The following FOXP2 variants were observed in gnomAD, a reference collection of about 807,000 sequenced individuals.
FOXP2 encodes forkhead box protein P2.
FOXP2 carries 12 observed loss-of-function variants against 115.8 expected under a neutral mutation model. That is an observed-to-expected ratio of 0.10 (90% CI 0.07 to 0.17). The LOEUF (loss-of-function observed/expected upper bound fraction) is 0.17, where lower values mean the gene tolerates loss of function less well. FOXP2 is among the 10% of genes least tolerant of loss of function. FOXP2 has a pLI of 1.00. For missense variants in FOXP2, 629 were observed against 843.5 expected (o/e 0.75, Z 3.15); for synonymous variants, 328 against 297.7 (o/e 1.10, Z -1.05).
intron 2 of FOXP2, among the ~76,000 whole-genome samples, chr7:114,434,760 T>C (rs934325087): frequency 7.2e-5 from 11 of 152,114 alleles, no homozygotes; most frequent in Non-Finnish European, 1.5e-4. Context: ...TTTCCATAAA[T>C]ATATATTTTC....
At chr7:114,358,340 A>C (rs1235065918) in intron 2 of FOXP2, among the ~76,000 whole-genome samples, 1 of 152,146 alleles carries the variant, frequency 6.6e-6, no homozygotes. Flanking sequence ...ATATTTCTTC[A>C]TAGCATTATG....
chr7:114,369,601 A>G (rs1562890170), intron 2 of FOXP2, among the ~76,000 whole-genome samples: 1 of 152,098 alleles, frequency 6.6e-6, no homozygotes. Context: ...TCTCTCCTTT[A>G]AAACAGTCAT....
intron 3 of FOXP2, among the ~76,000 whole-genome samples, chr7:114,559,718 TA>T (rs1288340140): frequency 6.6e-6 from 1 of 151,718 alleles, no homozygotes; most frequent in African/African-American, 2.4e-5. Flanking sequence ...CCGTCTCTAC[TA>T]AAAAAAACAC....
At chr7:114,502,109 A>T (rs2129253085) in intron 2 of FOXP2, among the ~76,000 whole-genome samples, 1 of 152,232 alleles carries the variant, frequency 6.6e-6, no homozygotes, top group Non-Finnish European at 1.5e-5. Flanking sequence ...CTAAATGTTT[A>T]TATTAAGACA....
chr7:114,636,665 T>C lies in FOXP2; in HGVS notation c.775+4960T>C, dbSNP rs1226200143. Among the ~76,000 whole-genome samples, 9 of 151,616 alleles carry C rather than the reference T, an allele frequency of 5.9e-5. No individual in the cohort carries two copies. In the South Asian group the frequency reaches 1.7e-3, roughly 28 times the overall value. On this transcript the variant is annotated intron_variant, in intron 6 of 16. Transcript: ENST00000350908. ...GAGTGTAAAAAAGCTGCCAAGGAGA[T>C]TTTTTACTAATAAAAATTGCTTTTT...
At chr7:114,216,232 C>T (rs528075841) in intron 1 of FOXP2, among the ~76,000 whole-genome samples, 4 of 152,208 alleles carry the variant, frequency 2.6e-5, no homozygotes, top group South Asian at 2.1e-4. Context: ...TGAACATGTG[C>T]GGCGAAAGGA....
chr7:114,625,617 C>T (rs374518001), intron 3 of FOXP2, among the ~76,000 whole-genome samples: 1 of 151,566 alleles, frequency 6.6e-6, no homozygotes, highest in East Asian at 1.9e-4. Context: ...TGAAATGGGA[C>T]AGTAACAAGA....
chr7:114,501,577 TAA>T (rs1006110608), intron 2 of FOXP2, among the ~76,000 whole-genome samples: 1 of 152,106 alleles, frequency 6.6e-6, no homozygotes, highest in Non-Finnish European at 1.5e-5. Context: ...AACTTTGAGA[TAA>T]AGTGTATCAT....
chr7:114,521,112 C>T (rs1018665808), intron 2 of FOXP2, among the ~76,000 whole-genome samples: 1 of 151,996 alleles, frequency 6.6e-6, no homozygotes, highest in African/African-American at 2.4e-5. Context: ...TGCAAAAGAA[C>T]TGTATGGTGT....
intron 3 of FOXP2, among the ~76,000 whole-genome samples, chr7:114,574,654 G>C (rs12667021): frequency 0.2 from 29,600 of 151,720 alleles, 3,742 homozygotes; most frequent in African/African-American, 0.36. Flanking sequence ...ACACCTATCT[G>C]CAAGTAATCT....
intron 1 of FOXP2, among the ~76,000 whole-genome samples, chr7:114,089,462 T>C (rs1056671475): frequency 6.6e-6 from 1 of 152,050 alleles, no homozygotes; most frequent in African/African-American, 2.4e-5. Context: ...CATATATTAA[T>C]TATGAACTAT....
chr7:114,291,405 C>T (rs1796586509), intron 2 of FOXP2, among the ~76,000 whole-genome samples: 1 of 152,050 alleles, frequency 6.6e-6, no homozygotes, highest in Non-Finnish European at 1.5e-5. Flanking sequence ...TTGGGGACAA[C>T]ACAAATATTC....
In FOXP2 at chr7:114,309,040, T is replaced by C. The variant is rs1337838182; in HGVS notation, c.-11+20931T>C. On this transcript the variant is annotated intron_variant, in intron 2 of 17. Coordinates refer to the FOXP2 transcript ENST00000634411. ...GAGGTACTATCTAATCTTTTCAGAATGTATTTTTAAGAGTGTATAGCAAAC... is the reference window on the plus strand; with the variant it reads ...GAGGTACTATCTAATCTTTTCAGAACGTATTTTTAAGAGTGTATAGCAAAC... Among the ~76,000 whole-genome samples the C allele has an allele frequency of 2.0e-5, 3 of 152,194 alleles. No individual in the cohort carries two copies. In the East Asian group the frequency reaches 5.8e-4, roughly 29 times the overall value.
chr7:114,399,290 T>C (rs1792819674), intron 2 of FOXP2, among the ~76,000 whole-genome samples: 1 of 151,936 alleles, frequency 6.6e-6, no homozygotes, highest in Non-Finnish European at 1.5e-5. Flanking sequence ...GTATTTTCTG[T>C]AGAGACAGGG....
rs10244649 is a variant in FOXP2 at position 114,693,748 on chromosome 7, C to T, written c.*3822C>T. The T allele has an allele frequency of 0.08, 25,123 of 312,326 alleles. 3,066 individuals are homozygous for T. The highest frequency in any genetic ancestry group is 0.35 in the African/African-American group (15,967 of 45,046). 19.3% of individuals were successfully genotyped at this position (312,326 alleles called of 1,614,324 possible). ...ATTTCTGAAGTATAAATAAAAAAAT[C>T]TAATTCTTTTTGACCCATTTATAAC... is the stretch of plus-strand genomic sequence containing the variant. On this transcript the variant is annotated 3_prime_UTR_variant, in exon 17 of 17. Transcript: ENST00000350908.
intron 2 of FOXP2, among the ~76,000 whole-genome samples, chr7:114,360,704 T>A (rs1322798400): frequency 6.6e-6 from 1 of 152,162 alleles, no homozygotes; most frequent in African/African-American, 2.4e-5. Flanking sequence ...GAATTGGTGG[T>A]GGAAAGCTAC....
intron 3 of FOXP2, 35 bp from the exon 4 acceptor site, chr7:114,628,505 C>T (rs1444242124): frequency 6.2e-7 from 1 of 1,612,828 alleles, no homozygotes; most frequent in South Asian, 1.1e-5. Context: ...TGGTTATGAC[C>T]ACGAATTTTC....
intron 2 of FOXP2, among the ~76,000 whole-genome samples, chr7:114,348,840 T>A (rs902770356): frequency 1.3e-5 from 2 of 152,076 alleles, no homozygotes; most frequent in Admixed American, 6.6e-5. Context: ...TGCAGCAGCT[T>A]CCAGCCCCAA....
intron 1 of FOXP2, among the ~76,000 whole-genome samples, chr7:114,153,961 A>G (rs939789558): frequency 2.6e-5 from 4 of 152,136 alleles, no homozygotes; most frequent in Non-Finnish European, 5.9e-5. Flanking sequence ...ACAAGGCAGC[A>G]GATGGAAGCA....
Sources: allele counts gnomAD v4.1 joint callset (sites outside exome capture counted in the v4.1 genomes callset), GRCh38; gene constraint gnomAD v4.1.1; transcripts MANE v1.5; gene names NCBI Gene and HGNC (gene_info 2026-07-23, HGNC 2026-07-21).